The following SCAPER variants were observed in gnomAD, a reference collection of about 807,000 sequenced individuals.
SCAPER encodes S phase cyclin A-associated protein in the endoplasmic reticulum.
SCAPER carries 98 observed loss-of-function variants against 182.2 expected under a neutral mutation model. That is an observed-to-expected ratio of 0.54 (90% CI 0.46 to 0.64). SCAPER has a LOEUF of 0.64. Ranked by LOEUF, SCAPER falls within the 30% of genes least tolerant of loss-of-function variation. SCAPER has a pLI of 0.00. For missense variants in SCAPER, 1,432 were observed against 1,690.0 expected, an observed-to-expected ratio of 0.85 and a Z score of 2.68; for synonymous variants, 605 against 564.6, an observed-to-expected ratio of 1.07 and a Z score of -1.01.
chr15:76,812,084 C>G (rs2066668946), intron 5 of SCAPER, among the ~76,000 whole-genome samples: 1 of 152,030 alleles, frequency 6.6e-6, no homozygotes, highest in Non-Finnish European at 1.5e-5. Context: ...GAGGCCGAGG[C>G]AGGCAGATCA....
chr15:76,779,084 A>C (rs1474936174), intron 8 of SCAPER, among the ~76,000 whole-genome samples: 1 of 152,130 alleles, frequency 6.6e-6, no homozygotes, highest in Non-Finnish European at 1.5e-5. Flanking sequence ...ATGTACAAAT[A>C]CCAAACAAAT....
chr15:76,524,868 C>T (rs1217653408), intron 23 of SCAPER, among the ~76,000 whole-genome samples: 1 of 151,648 alleles, frequency 6.6e-6, no homozygotes, highest in African/African-American at 2.4e-5. Context: ...TCAAATAATC[C>T]ATTGTATGCC....
At chr15:76,469,841 T>C (rs1397911978) in intron 25 of SCAPER, among the ~76,000 whole-genome samples, 2 of 152,196 alleles carry the variant, frequency 1.3e-5, no homozygotes, top group African/African-American at 4.8e-5. Context: ...TATAGGGCCA[T>C]ACAACAAATG....
chr15:76,352,051 T>A (rs1273891222), intron 30 of SCAPER, among the ~76,000 whole-genome samples: 1 of 152,238 alleles, frequency 6.6e-6, no homozygotes, highest in Non-Finnish European at 1.5e-5. Context: ...TGTATCATTA[T>A]AAGTCATTGT....
intron 23 of SCAPER, among the ~76,000 whole-genome samples, chr15:76,561,682 C>T (rs866311407): frequency 6.0e-5 from 9 of 151,018 alleles, no homozygotes; most frequent in East Asian, 1.9e-4. Flanking sequence ...TGCATCTATA[C>T]GGGCAAGAAA....
intron 20 of SCAPER, among the ~76,000 whole-genome samples, chr15:76,677,874 AAACTGACCAAT>A (rs1202358367): frequency 6.6e-6 from 1 of 151,846 alleles, no homozygotes; most frequent in African/African-American, 2.4e-5. Context: ...ATGGGGAAAA[AAACTGACCAAT>A]AGGTTCATGA....
In SCAPER at chr15:76,750,925, T is replaced by C. The variant is rs553974068; in HGVS notation, c.1866+2883A>G. The stretch of plus-strand genomic sequence containing the variant: ...GAAAGTAAAAGAAATAGTGCCCAAA[T>C]TTAGAAAGTAGTAAGATTATCTTTG... On this transcript the variant is annotated intron_variant, in intron 15 of 31. Transcript: ENST00000563290. Among the ~76,000 whole-genome samples, 161 of 151,834 alleles carry C rather than the reference T, an allele frequency of 1.1e-3. 1 individual carries two copies. The highest frequency in any genetic ancestry group is 3.4e-3 in the Middle Eastern group (1 of 294).
rs534849462 is a variant in SCAPER at position 76,631,008 on chromosome 15, G to A, written c.2646-9179C>T. 1.8e-3 allele frequency among the ~76,000 whole-genome samples: 276 copies of A among 152,346 alleles called. 1 individual carries two copies. The highest frequency in any genetic ancestry group is 6.4e-3 in the African/African-American group (266 of 41,584). On this transcript the variant is annotated intron_variant, in intron 21 of 31. Coordinates refer to ENST00000563290, the MANE Select transcript of SCAPER (RefSeq NM_020843.4). ...ACTGGGTGTATAGATATTTAGGACA[G>A]TTAGGTCTTCTTGTTGAATTGACTC...
intron 24 of SCAPER, among the ~76,000 whole-genome samples, chr15:76,502,096 G>A (rs370365343): frequency 1.3e-5 from 2 of 152,150 alleles, no homozygotes; most frequent in African/African-American, 4.8e-5. Context: ...GTCAATGCTG[G>A]ATGCCCACAG....
intron 30 of SCAPER, among the ~76,000 whole-genome samples, chr15:76,352,440 TAGAA>T (rs2040625923): frequency 6.6e-6 from 1 of 152,070 alleles, no homozygotes; most frequent in East Asian, 1.9e-4. Flanking sequence ...AATCTGAATT[TAGAA>T]AGAGCACACT....
intron 5 of SCAPER, among the ~76,000 whole-genome samples, chr15:76,816,078 A>T (rs1418164932): frequency 6.6e-6 from 1 of 152,156 alleles, no homozygotes; most frequent in African/African-American, 2.4e-5. Flanking sequence ...AGGGTGAGGG[A>T]GGGAGTAAAG....
chr15:76,663,101 A>C (rs1449070656), intron 21 of SCAPER, among the ~76,000 whole-genome samples: 1 of 152,176 alleles, frequency 6.6e-6, no homozygotes, highest in Admixed American at 6.5e-5. Flanking sequence ...TAAATGACTA[A>C]TAAAATGACA....
chr15:76,401,871 G>A lies in SCAPER; in HGVS notation c.3467+2653C>T, dbSNP rs73450235. 4.4e-3 allele frequency among the ~76,000 whole-genome samples: 668 copies of A among 152,242 alleles called. 7 individuals are homozygous for A. Among genetic ancestry groups the A allele is most frequent in the African/African-American group, 0.015 (630 of 41,536 alleles). On this transcript the variant is annotated intron_variant, in intron 27 of 31. Transcript: ENST00000563290. ...TTAAAGAACAGGTTACGGGCCAGGC[G>A]CGCCCAGCACTTTGGGAGGCTGAGG...
chr15:76,494,110 G>T (rs1016919494), intron 24 of SCAPER, among the ~76,000 whole-genome samples: 1 of 152,088 alleles, frequency 6.6e-6, no homozygotes, highest in Non-Finnish European at 1.5e-5. Flanking sequence ...CTTACTGGGG[G>T]TCTATGATGT....
At chr15:76,666,619 C>T (rs932441948) in intron 20 of SCAPER, among the ~76,000 whole-genome samples, 5 of 152,138 alleles carry the variant, frequency 3.3e-5, no homozygotes, top group African/African-American at 1.2e-4. Flanking sequence ...CCTCAAGTGG[C>T]CTCTAGTATT....
chr15:76,693,752 G>T (rs1258992033), intron 20 of SCAPER, among the ~76,000 whole-genome samples: 2 of 152,054 alleles, frequency 1.3e-5, no homozygotes, highest in Admixed American at 6.6e-5. Context: ...TCACAAACAT[G>T]ACAAATACTG....
In SCAPER at chr15:76,800,513, G is replaced by C. The variant is rs764301164; in HGVS notation, c.495-149C>G. 5.1e-4 allele frequency: 329 copies of C among 642,538 alleles called. 2 individuals are homozygous for C. The highest frequency in any genetic ancestry group is 2.1e-3 in the Middle Eastern group (7 of 3,400). The allele number at this position is 642,538 out of a possible 1,614,324, so 39.8% of individuals were successfully genotyped here. A position where few individuals can be genotyped will look rare whatever the true frequency, so the allele number is the denominator to read the frequency against. On this transcript the variant is annotated intron_variant, in intron 6 of 31. Coordinates refer to ENST00000563290, the MANE Select transcript of SCAPER (RefSeq NM_020843.4). Reference sequence around the variant, plus strand: ...CACAACATGTGCAAATGTTCCCCTAGAGCATTGCTTACCAGAAAGTTACCA... The same window carrying C: ...CACAACATGTGCAAATGTTCCCCTACAGCATTGCTTACCAGAAAGTTACCA...
intron 21 of SCAPER, among the ~76,000 whole-genome samples, chr15:76,641,336 C>G (rs1456203072): frequency 2.0e-5 from 3 of 152,138 alleles, no homozygotes; most frequent in Admixed American, 2.0e-4. Flanking sequence ...ATTACTTCAT[C>G]CCCATGTGAC....
intron 18 of SCAPER, 59 bp from the exon 19 acceptor site, chr15:76,703,061 T>C (rs2147280603): frequency 6.7e-7 from 1 of 1,490,990 alleles, no homozygotes; most frequent in East Asian, 2.4e-5. Flanking sequence ...GGTGAGAAAT[T>C]GGAAAAATAA....
Sources: gnomAD v4.1 joint callset for allele counts (sites outside exome capture counted in the v4.1 genomes callset) on GRCh38, gnomAD v4.1.1 for gene constraint, MANE v1.5 for transcripts, NCBI Gene and HGNC (gene_info 2026-07-23, HGNC 2026-07-21) for gene names.